PTPRD: variants seen among roughly 807,000 people sequenced by gnomAD.
The protein encoded by PTPRD is protein tyrosine phosphatase receptor type D, also known as receptor-type tyrosine-protein phosphatase delta.
A neutral mutation model predicts 214.5 loss-of-function variants in PTPRD; 34 were observed. The observed-to-expected ratio is 0.16, with a 90% confidence interval of 0.12 to 0.21. The LOEUF (loss-of-function observed/expected upper bound fraction) is 0.21. Among genes scored for constraint, PTPRD ranks in the 10% least tolerant of loss-of-function variants. PTPRD has a pLI of 1.00. For synonymous variants in PTPRD, 1,128 were observed against 845.7 expected (o/e 1.33, Z -5.79); for missense variants, 2,545 against 2,398.7 (o/e 1.06, Z -1.27).
chr9:9,723,687 G>T (rs2098015097), intron 7 of PTPRD, among the ~76,000 whole-genome samples: 1 of 151,788 alleles, frequency 6.6e-6, no homozygotes, highest in African/African-American at 2.4e-5. Context: ...TAGATCTTTG[G>T]TTTTCCCCAT....
chr9:8,708,679 CAAAAAAAAAAAAAA>C (rs765081509), intron 12 of PTPRD, among the ~76,000 whole-genome samples: 1 of 39,396 alleles, frequency 2.5e-5, no homozygotes, highest in African/African-American at 9.9e-5. Flanking sequence ...GACTCTGTCT[CAAAAAAAAAAAAAA>C]AAAAAAAAAA....
chr9:10,297,158 G>C (rs1455566800), intron 3 of PTPRD, among the ~76,000 whole-genome samples: 1 of 148,996 alleles, frequency 6.7e-6, no homozygotes, highest in East Asian at 2.0e-4. Flanking sequence ...TTAATTTCTA[G>C]GGTACATGTG....
At chr9:9,717,398 G>T (rs1247868347) in intron 7 of PTPRD, among the ~76,000 whole-genome samples, 3 of 152,130 alleles carry the variant, frequency 2.0e-5, no homozygotes, top group African/African-American at 7.2e-5. Flanking sequence ...AAAGTCATTG[G>T]TAGCTTGATG....
chr9:9,601,017 C>A (rs1006930654), intron 7 of PTPRD, among the ~76,000 whole-genome samples: 7 of 151,272 alleles, frequency 4.6e-5, no homozygotes, highest in Non-Finnish European at 8.8e-5. Flanking sequence ...AAAAATATGA[C>A]AGGAAGAACA....
At chr9:9,665,053 A>G (rs2096692207) in intron 7 of PTPRD, among the ~76,000 whole-genome samples, 1 of 151,660 alleles carries the variant, frequency 6.6e-6, no homozygotes, top group African/African-American at 2.4e-5. Context: ...ATATGTGTAT[A>G]TTTGTTTGTA....
chr9:9,865,187 G>A (rs1014757434), intron 5 of PTPRD, among the ~76,000 whole-genome samples: 7 of 152,166 alleles, frequency 4.6e-5, no homozygotes, highest in Middle Eastern at 3.2e-3. Flanking sequence ...AGGGCTGTGT[G>A]TCACAAGCAA....
Position 9,619,510 on chromosome 9 carries a change from AAATAT to A in PTPRD, c.-286-44734_-286-44730del, listed in dbSNP as rs532862549. On this transcript the variant is annotated intron_variant, in intron 7 of 45. Coordinates refer to ENST00000381196, the MANE Select transcript of PTPRD (RefSeq NM_002839.4). ...ATAATCTATATATATTATATTATAT[AAATAT>A]AATATATAAATGACTATATTTATAT... is the stretch of plus-strand genomic sequence containing the variant. 5.0e-3 allele frequency among the ~76,000 whole-genome samples: 734 copies of A among 146,964 alleles called. 7 individuals are homozygous for A. The highest frequency in any genetic ancestry group is 0.018 in the East Asian group (93 of 5,106).
At chr9:9,098,778 T>A (rs1179112594) in intron 10 of PTPRD, among the ~76,000 whole-genome samples, 1 of 152,174 alleles carries the variant, frequency 6.6e-6, no homozygotes, top group Non-Finnish European at 1.5e-5. Context: ...TTTGTAAAAT[T>A]CATCATTTGT....
intron 3 of PTPRD, among the ~76,000 whole-genome samples, chr9:10,035,601 T>G (rs1352666695): frequency 6.6e-6 from 1 of 152,016 alleles, no homozygotes; most frequent in Non-Finnish European, 1.5e-5. Context: ...CTGGCTCTTC[T>G]TACTTCCCTA....
chr9:9,259,507 G>C (rs1202976472), intron 9 of PTPRD, among the ~76,000 whole-genome samples: 1 of 151,806 alleles, frequency 6.6e-6, no homozygotes, highest in Non-Finnish European at 1.5e-5. Flanking sequence ...GAAAGCACTT[G>C]GAACACACAT....
intron 11 of PTPRD, among the ~76,000 whole-genome samples, chr9:8,896,334 C>T (rs1472747210): frequency 2.0e-5 from 3 of 152,154 alleles, no homozygotes; most frequent in Non-Finnish European, 4.4e-5. Context: ...ATCACAATAG[C>T]TTCTAATAAC....
At chr9:9,874,026 A>G (rs2066176194) in intron 5 of PTPRD, among the ~76,000 whole-genome samples, 1 of 152,200 alleles carries the variant, frequency 6.6e-6, no homozygotes, top group African/African-American at 2.4e-5. Flanking sequence ...GGATTTTAAG[A>G]TATTTTTAGG....
At chr9:9,099,614 T>G (rs1002231765) in intron 10 of PTPRD, among the ~76,000 whole-genome samples, 14 of 152,188 alleles carry the variant, frequency 9.2e-5, no homozygotes, top group Non-Finnish European at 5.9e-5. Flanking sequence ...AGCAGATATT[T>G]GCTTATAGGA....
chr9:9,639,243 A>T (rs552385983), intron 7 of PTPRD, among the ~76,000 whole-genome samples: 1 of 152,190 alleles, frequency 6.6e-6, no homozygotes, highest in South Asian at 2.1e-4. Context: ...ATGAAAGTAG[A>T]CTCTAGGATT....
intron 10 of PTPRD, among the ~76,000 whole-genome samples, chr9:9,034,441 G>C (rs1198293147): frequency 1.3e-5 from 2 of 152,138 alleles, no homozygotes; most frequent in African/African-American, 2.4e-5. Context: ...CCTGCACTAT[G>C]TGTCTCCCAA....
At chr9:10,365,884 AG>A (rs2097505771) in intron 2 of PTPRD, among the ~76,000 whole-genome samples, 1 of 152,196 alleles carries the variant, frequency 6.6e-6, no homozygotes, top group Non-Finnish European at 1.5e-5. Context: ...CACAGCAATG[AG>A]AGTAAATTAT....
At chr9:10,462,400 A>T (rs2098965572) in intron 2 of PTPRD, among the ~76,000 whole-genome samples, 1 of 152,164 alleles carries the variant, frequency 6.6e-6, no homozygotes. Context: ...CACTTAAATG[A>T]TGGTAAAAAT....
intron 11 of PTPRD, among the ~76,000 whole-genome samples, chr9:8,997,112 A>C (rs1183919281): frequency 6.6e-6 from 1 of 152,118 alleles, no homozygotes; most frequent in Non-Finnish European, 1.5e-5. Context: ...ATGGCAGCAT[A>C]ATATTCTATC....
intron 14 of PTPRD, among the ~76,000 whole-genome samples, chr9:8,614,237 C>T (rs968754719): frequency 5.9e-5 from 9 of 152,042 alleles, no homozygotes; most frequent in Non-Finnish European, 1.2e-4. Context: ...TTGTAACCTC[C>T]AAGTCAATAC....
Sources: allele counts gnomAD v4.1 joint callset (sites outside exome capture counted in the v4.1 genomes callset), GRCh38; gene constraint gnomAD v4.1.1; transcripts MANE v1.5; gene names NCBI Gene and HGNC (gene_info 2026-07-23, HGNC 2026-07-21).